ERGIC2: variants seen among roughly 807,000 people sequenced by gnomAD.
ERGIC2 encodes ERGIC and golgi 2, also known as endoplasmic reticulum-Golgi intermediate compartment protein 2.
ERGIC2 carries 31 observed loss-of-function variants against 52.5 expected under a neutral mutation model. The ratio of observed to expected loss-of-function variants is 0.59; its 90% CI spans 0.44 to 0.80. The LOEUF (loss-of-function observed/expected upper bound fraction) is 0.80, where lower values mean the gene tolerates loss of function less well. Among genes scored for constraint, ERGIC2 ranks in the 30% least tolerant of loss-of-function variants. ERGIC2 has a pLI of 0.00. For synonymous variants in ERGIC2, 129 were observed against 140.6 expected (o/e 0.92, Z 0.58); for missense variants, 395 against 455.2 (o/e 0.87, Z 1.20).
chr12:29,371,492 C>T (rs768125608), intron 2 of ERGIC2, 36 bp downstream of exon 2: 5 of 1,357,546 alleles, frequency 3.7e-6, no homozygotes, highest in South Asian at 1.3e-5. Flanking sequence ...AGAAGTTGTA[C>T]TTACTACAGA....
chr12:29,341,514 G>A (rs1215069087), intron 13 of ERGIC2, among the ~76,000 whole-genome samples: 1 of 152,076 alleles, frequency 6.6e-6, no homozygotes, highest in Non-Finnish European at 1.5e-5. Context: ...GGGACTACAG[G>A]CTTGCACCAC....
intron 5 of ERGIC2, among the ~76,000 whole-genome samples, chr12:29,363,110 G>A (rs1194695209): frequency 6.6e-6 from 1 of 152,104 alleles, no homozygotes; most frequent in Admixed American, 6.5e-5. Flanking sequence ...TGCACATGAG[G>A]AAGCAGGAGC....
At position 29,349,165 on chromosome 12, in the gene ERGIC2, GA is replaced by G. The variant is rs1209790273; in HGVS notation, c.640del (p.Ser214LeufsTer4). On this transcript the variant is annotated frameshift_variant, in exon 10 of 14. Coordinates refer to ENST00000360150, the MANE Select transcript of ERGIC2 (RefSeq NM_016570.3). LOFTEE classifies it high-confidence loss of function. The part of the protein sequence containing the change: ...ALVNHESYNF[S>X]HRIDHLSFGE... ...AAAAGACAAATGATCTATTCTATGA[GA>G]AAAATTGTAAGCTAAAAGGCAAAAA... 6.5e-7 allele frequency: 1 copy of G among 1,547,328 alleles called. No individual in the cohort carries two copies.
At chr12:29,352,568 G>A (rs1940147574) in intron 8 of ERGIC2, among the ~76,000 whole-genome samples, 1 of 152,164 alleles carries the variant, frequency 6.6e-6, no homozygotes, top group African/African-American at 2.4e-5. Context: ...GGAGGCTGAG[G>A]CAGGAGAATC....
At chr12:29,360,577 A>G (rs1476183751) in intron 6 of ERGIC2, among the ~76,000 whole-genome samples, 1 of 147,900 alleles carries the variant, frequency 6.8e-6, no homozygotes, top group Non-Finnish European at 1.5e-5. Flanking sequence ...ATACTCATAT[A>G]TGATATACAA....
At chr12:29,341,444 C>T (rs1162848805) in intron 13 of ERGIC2, among the ~76,000 whole-genome samples, 2 of 151,488 alleles carry the variant, frequency 1.3e-5, no homozygotes, top group African/African-American at 4.9e-5. Flanking sequence ...GATCATAGCT[C>T]ACTACAACCT....
At chr12:29,345,699 A>G in intron 10 of ERGIC2, 159 bp from the exon 11 acceptor site, 1 of 607,882 alleles carries the variant, frequency 1.6e-6, no homozygotes, top group South Asian at 1.9e-5. Flanking sequence ...GGACTGCTTG[A>G]GTGTGGGAGT....
rs1163964872 is a variant in ERGIC2, at chr12:29,337,979, C to G, written c.*3177G>C. ...ATGAGGTCAGGAGATTGAGACCATC[C>G]TGGCTAACACAGTGAAACCCCGTCT... On this transcript the variant is annotated 3_prime_UTR_variant, in exon 14 of 14. Coordinates refer to ENST00000360150, the MANE Select transcript of ERGIC2 (RefSeq NM_016570.3). 2.6e-5 allele frequency: 4 copies of G among 152,144 alleles called. No homozygotes were observed. The highest frequency in any genetic ancestry group is 5.9e-5 in the Non-Finnish European group (4 of 68,200). 9.4% of individuals were successfully genotyped at this position (152,144 alleles called of 1,614,324 possible).
chr12:29,361,730 T>C lies in ERGIC2; in HGVS notation c.334-45A>G, dbSNP rs756655694. 4.9e-5 allele frequency: 73 copies of C among 1,496,512 alleles called. 1 individual carries two copies. The East Asian group carries it at 1.7e-3, about 34-fold the overall frequency. The allele number at this position is 1,496,512 out of a possible 1,614,324, so 92.7% of individuals were successfully genotyped here. ...AATCACTAGCATTGTCAAATTCTCT[T>C]GGCTTTTACATCATAATTTAAAATT... On this transcript the variant is annotated intron_variant, in intron 5 of 13. Coordinates refer to ENST00000360150, the MANE Select transcript of ERGIC2 (RefSeq NM_016570.3).
At chr12:29,351,012 C>T (rs768547560) in intron 8 of ERGIC2, among the ~76,000 whole-genome samples, 1 of 151,986 alleles carries the variant, frequency 6.6e-6, no homozygotes, top group Non-Finnish European at 1.5e-5. Context: ...ATATTCATTG[C>T]TCAATAATTG....
intron 6 of ERGIC2, among the ~76,000 whole-genome samples, chr12:29,359,347 A>C (rs1940251938): frequency 6.6e-6 from 1 of 151,974 alleles, no homozygotes; most frequent in Non-Finnish European, 1.5e-5. Context: ...GCAGTGATCA[A>C]GGGGTTTGAT....
At chr12:29,341,666 A>C in intron 13 of ERGIC2, 68 bp downstream of exon 13, 1 of 827,888 alleles carries the variant, frequency 1.2e-6, no homozygotes, top group South Asian at 1.6e-5. Context: ...AGCCACCATG[A>C]CTGGCTCATA....
At chr12:29,374,085 A>T (rs1462656561) in intron 1 of ERGIC2, among the ~76,000 whole-genome samples, 3 of 152,146 alleles carry the variant, frequency 2.0e-5, no homozygotes, top group Admixed American at 6.6e-5. Flanking sequence ...CCAACAATAC[A>T]TCTCTCGCAG....
chr12:29,350,340 C>T (rs996759694), intron 8 of ERGIC2, among the ~76,000 whole-genome samples: 1 of 152,004 alleles, frequency 6.6e-6, no homozygotes, highest in African/African-American at 2.4e-5. Flanking sequence ...TATGTAGTTA[C>T]ATAATGAGAA....
At chr12:29,368,180 G>T in intron 4 of ERGIC2, 61 bp downstream of exon 4, 2 of 1,008,570 alleles carry the variant, frequency 2.0e-6, no homozygotes, top group Non-Finnish European at 3.1e-6. Flanking sequence ...TTTTATTTTT[G>T]CTTGGCAATT....
At position 29,340,715 on chromosome 12, in the gene ERGIC2, G is replaced by GT; in HGVS notation, c.*440dup. ...TCTTTAAAGTCTAGACTAGTTTTCC[G>GT]TATGTTTTCCACATTTTATTCTGAC... is the stretch of plus-strand genomic sequence containing the variant. On this transcript the variant is annotated 3_prime_UTR_variant, in exon 14 of 14. Coordinates refer to ENST00000360150, the MANE Select transcript of ERGIC2 (RefSeq NM_016570.3). 8.5e-6 allele frequency: 3 copies of GT among 351,452 alleles called. No individual in the cohort carries two copies. Among genetic ancestry groups the GT allele is most frequent in the Non-Finnish European group, 1.6e-5 (3 of 186,584 alleles). 21.8% of individuals were successfully genotyped at this position (351,452 alleles called of 1,614,324 possible).
At chr12:29,378,597 AC>A (rs986098591) in intron 1 of ERGIC2, among the ~76,000 whole-genome samples, 1 of 151,646 alleles carries the variant, frequency 6.6e-6, no homozygotes, top group Non-Finnish European at 1.5e-5. Flanking sequence ...CTAGATAGCA[AC>A]CCCCCAACCC....
chr12:29,378,371 A>C (rs1940542719), intron 1 of ERGIC2, among the ~76,000 whole-genome samples: 1 of 152,052 alleles, frequency 6.6e-6, no homozygotes, highest in Non-Finnish European at 1.5e-5. Flanking sequence ...TGAGAGAATA[A>C]ATTTCTTTTG....
At chr12:29,361,083 C>T (rs1165541229) in intron 6 of ERGIC2, among the ~76,000 whole-genome samples, 1 of 152,058 alleles carries the variant, frequency 6.6e-6, no homozygotes, top group Admixed American at 6.6e-5. Context: ...CCTATCTCTA[C>T]TAAAAATACA....
Sources: allele counts gnomAD v4.1 joint callset (sites outside exome capture counted in the v4.1 genomes callset), GRCh38; gene constraint gnomAD v4.1.1; transcripts MANE v1.5; gene names NCBI Gene and HGNC (gene_info 2026-07-23, HGNC 2026-07-21).